Variants in SCG5 observed in about 807,000 individuals in gnomAD.
The protein encoded by SCG5 is neuroendocrine protein 7B2.
Under a neutral mutation model 25.7 loss-of-function variants are expected in SCG5, and 18 were observed. That is an observed-to-expected ratio of 0.70 (90% CI 0.48 to 1.04). The LOEUF is 1.04. Ranked by LOEUF, SCG5 falls within the 50% of genes least tolerant of loss-of-function variation. SCG5 has a pLI of 0.00. For synonymous variants in SCG5, 101 were observed against 91.7 expected, an observed-to-expected ratio of 1.10 and a Z score of -0.58; for missense variants, 206 against 259.8, an observed-to-expected ratio of 0.79 and a Z score of 1.42.
At chr15:32,642,737 G>A (rs1257717563) in intron 1 of SCG5, among the ~76,000 whole-genome samples, 2 of 151,894 alleles carry the variant, frequency 1.3e-5, no homozygotes, top group Non-Finnish European at 2.9e-5. Flanking sequence ...CCCACCCCCA[G>A]GCTAGTTAAC....
chr15:32,683,389 C>T (rs968950993), intron 3 of SCG5, among the ~76,000 whole-genome samples: 11 of 152,072 alleles, frequency 7.2e-5, no homozygotes, highest in African/African-American at 4.8e-5. Flanking sequence ...ATATATTAGA[C>T]ATGGGAAAAA....
chr15:32,669,355 G>T (rs1307235360), intron 2 of SCG5, among the ~76,000 whole-genome samples: 4 of 152,116 alleles, frequency 2.6e-5, no homozygotes, highest in Admixed American at 2.0e-4. Flanking sequence ...GAGAGCCCAA[G>T]TCCATATTTT....
At chr15:32,662,305 G>A (rs2054232798) in intron 2 of SCG5, among the ~76,000 whole-genome samples, 1 of 152,128 alleles carries the variant, frequency 6.6e-6, no homozygotes, top group African/African-American at 2.4e-5. Flanking sequence ...GTAAGTGTTG[G>A]ACTTATATGG....
chr15:32,666,751 C>T (rs140975221), intron 2 of SCG5, among the ~76,000 whole-genome samples: 34 of 152,332 alleles, frequency 2.2e-4, no homozygotes, highest in African/African-American at 7.9e-4. Flanking sequence ...TTTATTTTAT[C>T]CTCATACCAA....
intron 2 of SCG5, among the ~76,000 whole-genome samples, chr15:32,672,699 C>T (rs1307498521): frequency 1.3e-5 from 2 of 152,092 alleles, no homozygotes; most frequent in Non-Finnish European, 2.9e-5. Context: ...ACGCAGAAGG[C>T]CTCGTGGGGG....
chr15:32,682,046 A>G (rs2054629139), intron 3 of SCG5, among the ~76,000 whole-genome samples: 1 of 152,146 alleles, frequency 6.6e-6, no homozygotes, highest in Admixed American at 6.5e-5. Context: ...ATGGGTAGGA[A>G]GAAAGACTAG....
Position 32,663,076 on chromosome 15 carries a change from TATA to T in SCG5, c.227-16686_227-16684del, listed in dbSNP as rs1240052894. ...ATATATATATATATATATATATATA[TATA>T]ATATATAATATGTTATATATACACA... On this transcript the variant is annotated intron_variant, in intron 2 of 5. Transcript: ENST00000300175. 1.2e-3 allele frequency among the ~76,000 whole-genome samples: 67 copies of T among 57,096 alleles called. 2 individuals are homozygous for T. The highest frequency in any genetic ancestry group is 0.011 in the South Asian group (16 of 1,468). 37.5% of individuals were successfully genotyped at this position (57,096 alleles called of 152,430 possible). A position where few individuals can be genotyped will look rare whatever the true frequency, so the allele number is the denominator to read the frequency against.
intron 3 of SCG5, among the ~76,000 whole-genome samples, chr15:32,682,975 A>T (rs1479773727): frequency 1.3e-5 from 2 of 152,152 alleles, no homozygotes; most frequent in Admixed American, 1.3e-4. Flanking sequence ...GTCAGGGCCC[A>T]CTCAGAGGTA....
intron 5 of SCG5, among the ~76,000 whole-genome samples, chr15:32,693,881 G>C (rs1434168005): frequency 6.6e-6 from 1 of 152,202 alleles, no homozygotes; most frequent in African/African-American, 2.4e-5. Context: ...AGGCCGAGGA[G>C]GGTGGATCAC....
intron 4 of SCG5, among the ~76,000 whole-genome samples, chr15:32,685,667 G>A (rs942663455): frequency 5.9e-5 from 9 of 152,202 alleles, no homozygotes; most frequent in Non-Finnish European, 1.3e-4. Flanking sequence ...CAGCAGACTA[G>A]AACAATGAGC....
At chr15:32,695,111 G>A (rs2054932152) in intron 5 of SCG5, among the ~76,000 whole-genome samples, 1 of 151,688 alleles carries the variant, frequency 6.6e-6, no homozygotes, top group Admixed American at 6.6e-5. Context: ...CGCCTCCCAG[G>A]TTCCTGCCAT....
Position 32,643,581 on chromosome 15 carries a change from T to A in SCG5, c.-7-5T>A. On this transcript the variant is annotated splice_polypyrimidine_tract_variant and splice_region_variant and intron_variant, in intron 1 of 5. Transcript: ENST00000300175. ...ATCAGTATACATTTGGTCTTTTATC[T>A]GCAGGTTGACAATGGTCTCCAGGAT... The A allele has an allele frequency of 6.2e-7, 1 of 1,606,336 alleles. No homozygotes were observed. Among genetic ancestry groups the A allele is most frequent in the Non-Finnish European group, 8.5e-7 (1 of 1,172,920 alleles).
chr15:32,668,596 C>T (rs1219696603), intron 2 of SCG5, among the ~76,000 whole-genome samples: 3 of 152,254 alleles, frequency 2.0e-5, no homozygotes, highest in African/African-American at 7.2e-5. Flanking sequence ...ACTCCCACCT[C>T]ATCCCATCCA....
chr15:32,648,376 C>T (rs911628664), intron 2 of SCG5, among the ~76,000 whole-genome samples: 3 of 145,150 alleles, frequency 2.1e-5, no homozygotes, highest in South Asian at 2.1e-4. Flanking sequence ...TATTCTTGAT[C>T]CCTTTTCGAT....
In SCG5 at chr15:32,649,806, G is replaced by A. The variant is rs1054585656; in HGVS notation, c.226+5988G>A. 7.2e-5 allele frequency among the ~76,000 whole-genome samples: 11 copies of A among 152,292 alleles called. 1 individual carries two copies. In the East Asian group the frequency reaches 1.3e-3, roughly 19 times the overall value. ...TTACATGAAAAAAAAGAGTGTGTAT[G>A]TTTATGGCAGAGAACTCGGGTTAAC... On this transcript the variant is annotated intron_variant, in intron 2 of 5. Coordinates refer to ENST00000300175, the MANE Select transcript of SCG5 (RefSeq NM_001144757.3).
In SCG5 at chr15:32,684,446, C is replaced by T. The variant is rs190833389; in HGVS notation, c.377-111C>T. ...TGGCTGCTAGTGTTCTAAGTTACTACTGATGTGAACAGATTCTGACCTTTG... is the reference window on the plus strand; with the variant it reads ...TGGCTGCTAGTGTTCTAAGTTACTATTGATGTGAACAGATTCTGACCTTTG... On this transcript the variant is annotated intron_variant, in intron 3 of 5. Transcript: ENST00000300175. 156 of 676,036 alleles carry T rather than the reference C, an allele frequency of 2.3e-4. No homozygotes were observed. The African/African-American group carries it at 2.4e-3, about 10-fold the overall frequency. The allele number at this position is 676,036 out of a possible 1,614,324, so 41.9% of individuals were successfully genotyped here.
intron 2 of SCG5, 90 bp downstream of exon 2, chr15:32,643,908 G>A (rs1389801028): frequency 1.5e-5 from 17 of 1,101,344 alleles, no homozygotes; most frequent in Non-Finnish European, 2.1e-5. Context: ...ATAAGTAGAT[G>A]CCTTTATTAT....
rs1273656487 is a variant in SCG5 at position 32,696,637 on chromosome 15, T to G, written c.*28T>G. On this transcript the variant is annotated 3_prime_UTR_variant, in exon 6 of 6. Transcript: ENST00000300175. The stretch of plus-strand genomic sequence containing the variant: ...AGAAGATGCTAGACGAAAACCCACA[T>G]TACCTGTTAGGCCTCAGCATGGCTT... The G allele has an allele frequency of 6.8e-7, 1 of 1,479,530 alleles. No homozygotes were observed. Among genetic ancestry groups the G allele is most frequent in the African/African-American group, 1.4e-5 (1 of 72,526 alleles). 91.7% of individuals were successfully genotyped at this position (1,479,530 alleles called of 1,614,324 possible).
intron 4 of SCG5, among the ~76,000 whole-genome samples, chr15:32,688,421 T>C (rs1199076232): frequency 1.3e-5 from 2 of 152,212 alleles, no homozygotes; most frequent in Non-Finnish European, 2.9e-5. Flanking sequence ...CACGGGGATA[T>C]GAGGGACCAG....
Sources: allele counts gnomAD v4.1 joint callset (sites outside exome capture counted in the v4.1 genomes callset), GRCh38; gene constraint gnomAD v4.1.1; transcripts MANE v1.5; gene names NCBI Gene and HGNC (gene_info 2026-07-23, HGNC 2026-07-21).